The following LRRC71 variants were observed in gnomAD, a reference collection of about 807,000 sequenced individuals.
The protein encoded by LRRC71 is leucine-rich repeat-containing protein 71.
Under a neutral mutation model 66.6 loss-of-function variants are expected in LRRC71, and 54 were observed. The observed-to-expected ratio is 0.81, with a 90% CI of 0.65 to 1.02. The LOEUF (loss-of-function observed/expected upper bound fraction) is 1.02, where lower values mean the gene tolerates loss of function less well. Among genes scored for constraint, LRRC71 ranks in the 50% least tolerant of loss-of-function variants. LRRC71 has a pLI of 0.00. For synonymous variants in LRRC71, 323 were observed against 303.9 expected (o/e 1.06, Z -0.65); for missense variants, 724 against 718.0 (o/e 1.01, Z -0.10).
At chr1:156,925,345 G>A (rs111996021) in intron 5 of LRRC71, among the ~76,000 whole-genome samples, 10 of 152,322 alleles carry the variant, frequency 6.6e-5, no homozygotes, top group African/African-American at 2.4e-4. Flanking sequence ...CCTGTACTGG[G>A]GGCTGGTAAG....
At chr1:156,936,403 G>A (rs929040492), downstream of LRRC71, among the ~76,000 whole-genome samples, 38 of 149,334 alleles carry the variant, frequency 2.5e-4, no homozygotes, top group African/African-American at 9.2e-4. Flanking sequence ...AGGCTGAGGT[G>A]GGTGGATCAC....
At chr1:156,927,001 T>G (rs1337664152) in intron 5 of LRRC71, among the ~76,000 whole-genome samples, 1 of 152,220 alleles carries the variant, frequency 6.6e-6, no homozygotes, top group Non-Finnish European at 1.5e-5. Flanking sequence ...GGTCACCAAC[T>G]TTGGGGAGCA....
At chr1:156,928,325 C>T (rs1196552819) in intron 9 of LRRC71, among the ~76,000 whole-genome samples, 2 of 136,012 alleles carry the variant, frequency 1.5e-5, no homozygotes, top group Non-Finnish European at 3.2e-5. Context: ...TCTTCTTCTT[C>T]TTTCTTTTTT....
the LRRC71 span, chr1:156,939,903 G>A: frequency 0.16 from 261,577 of 1,602,878 alleles, 22,385 homozygotes; most frequent in East Asian, 0.34. Flanking sequence ...GATGTCGCAG[G>A]TTCTCCACTG....
At position 156,927,793 on chromosome 1, in the gene LRRC71, A is replaced by G. The variant is rs1434989146; in HGVS notation, c.883A>G (p.Lys295Glu). 1 of 1,613,098 alleles carries G rather than the reference A, an allele frequency of 6.2e-7. No individual in the cohort carries two copies. The change falls in exon 8 of 15, where the codon AAG becomes GAG. Residue 295 changes from lysine to glutamate, a missense_variant. Transcript: ENST00000337428. ...CCTGGCCCACAACCGCATCCAGGAC[A>G]AGGGCGCCCTGAAGCTGGCTGAGGT... Reference protein sequence around the residue: ...LSLAHNRIQDKGALKLAEVLR... With the variant: ...LSLAHNRIQDEGALKLAEVLR...
At chr1:156,939,461 G>T in the LRRC71 span, 1 of 1,577,186 alleles carries the variant, frequency 6.3e-7, no homozygotes, top group Non-Finnish European at 8.6e-7. Flanking sequence ...CCCAGGGGGA[G>T]TATAGGGAAG....
At chr1:156,939,397 A>G in the LRRC71 span, 3 of 1,036,370 alleles carry the variant, frequency 2.9e-6, no homozygotes, top group Admixed American at 4.6e-5. Flanking sequence ...CCTGCCTGAT[A>G]TCGGCGTTGT....
downstream of LRRC71, among the ~76,000 whole-genome samples, chr1:156,936,480 G>GAAAAAAAAAA (rs35863393): frequency 1.9e-4 from 9 of 48,016 alleles, no homozygotes; most frequent in African/African-American, 1.0e-3. Context: ...CAAATAAATA[G>GAAAAAAAAAA]AAAAAAAAAA....
downstream of LRRC71, chr1:156,935,848 C>T (rs550925575): frequency 9.7e-6 from 8 of 826,772 alleles, no homozygotes; most frequent in Middle Eastern, 3.8e-4. Flanking sequence ...AAGCAACATG[C>T]GGGTCTCCCC....
chr1:156,925,763 G>GC (rs1653106314), intron 5 of LRRC71, among the ~76,000 whole-genome samples: 2 of 152,214 alleles, frequency 1.3e-5, no homozygotes, highest in South Asian at 4.1e-4. Flanking sequence ...ACCCCTCCAT[G>GC]CAGTGGCTTG....
chr1:156,921,100 T>C (rs1652292775), intron 1 of LRRC71, 137 bp downstream of exon 1: 1 of 1,086,564 alleles, frequency 9.2e-7, no homozygotes, highest in Non-Finnish European at 1.2e-6. Flanking sequence ...GCTTGATAGA[T>C]GTTTCAATTG....
chr1:156,940,517 A>G, the LRRC71 span: 2 of 1,155,388 alleles, frequency 1.7e-6, no homozygotes, highest in South Asian at 3.4e-5. Context: ...AGGGGCTGGG[A>G]ACACTGACTT....
downstream of LRRC71, chr1:156,936,879 C>T (rs1391722474): frequency 1.2e-5 from 19 of 1,613,926 alleles, no homozygotes; most frequent in African/African-American, 5.3e-5. Context: ...GGCTCCTTAG[C>T]GGGAGGTGAG....
At position 156,930,632 on chromosome 1, in the gene LRRC71, G is replaced by A. The variant is rs1342814323; in HGVS notation, c.1329+15G>A. 7.1e-6 allele frequency: 11 copies of A among 1,553,758 alleles called. No homozygotes were observed. In the East Asian group the frequency reaches 2.7e-4, roughly 38 times the overall value. On this transcript the variant is annotated intron_variant, in intron 12 of 14. Coordinates refer to ENST00000337428, the MANE Select transcript of LRRC71 (RefSeq NM_144702.3). The stretch of plus-strand genomic sequence containing the variant: ...TGGAGTCCGAGGTAAGTTGCCAGGA[G>A]GAGTGGAGGCAGGGGGCACACCCCT...
intron 12 of LRRC71, among the ~76,000 whole-genome samples, chr1:156,931,571 G>A (rs1235922790): frequency 6.6e-6 from 1 of 152,148 alleles, no homozygotes; most frequent in Non-Finnish European, 1.5e-5. Flanking sequence ...CAGAGCCTTT[G>A]CACCTGCTTT....
intron 5 of LRRC71, among the ~76,000 whole-genome samples, chr1:156,926,889 T>A (rs1653289238): frequency 6.6e-6 from 1 of 152,158 alleles, no homozygotes; most frequent in Non-Finnish European, 1.5e-5. Flanking sequence ...AGTGAGTCAC[T>A]TCTAATGTGA....
At chr1:156,931,403 T>C (rs1426563934) in intron 12 of LRRC71, among the ~76,000 whole-genome samples, 2 of 152,196 alleles carry the variant, frequency 1.3e-5, no homozygotes, top group African/African-American at 4.8e-5. Context: ...TTTTCATCTC[T>C]GCCTCTGTCT....
Position 156,929,684 on chromosome 1 carries a change from C to G in LRRC71, c.1195C>G (p.Gln399Glu). 1 of 1,583,828 alleles carries G rather than the reference C, an allele frequency of 6.3e-7. No homozygotes were observed. The change falls in exon 11 of 15, where the codon CAA becomes GAA. Residue 399 changes from glutamine to glutamate, a missense_variant. Gln to Glu is a conservative substitution (Grantham distance 29, BLOSUM62 2). Transcript: ENST00000337428. ...GTTGGGGTCTGGGCAGTCACCCACA[C>G]AAGGAACCCCTAAGAAGGAAGATGC... ...EKLGSGQSPT[Q>E]GTPKKEDATK...
At chr1:156,938,052 C>T (rs1158320126), downstream of LRRC71, among the ~76,000 whole-genome samples, 6 of 152,294 alleles carry the variant, frequency 3.9e-5, no homozygotes, top group South Asian at 2.1e-4. Context: ...CTCTTTCAGC[C>T]GATTTCCACA....
Sources: gnomAD v4.1 joint callset for allele counts (sites outside exome capture counted in the v4.1 genomes callset) on GRCh38, gnomAD v4.1.1 for gene constraint, MANE v1.5 for transcripts, NCBI Gene and HGNC (gene_info 2026-07-23, HGNC 2026-07-21) for gene names.